Variants in CREM observed in about 807,000 individuals in gnomAD.
CREM encodes the protein cAMP-responsive element modulator.
A neutral mutation model predicts 37.3 loss-of-function variants in CREM; 13 were observed. The observed-to-expected ratio is 0.35, with a 90% CI of 0.23 to 0.55. The LOEUF is 0.55. Ranked by LOEUF, CREM falls within the 20% of genes least tolerant of loss-of-function variation. The pLI, the probability that CREM is intolerant of heterozygous loss-of-function variation, is 0.88. For synonymous variants in CREM, 124 were observed against 120.2 expected, an observed-to-expected ratio of 1.03 and a Z score of -0.21; for missense variants, 296 against 362.3, an observed-to-expected ratio of 0.82 and a Z score of 1.49.
chr10:35,166,228 A>G (rs573386852), intron 3 of CREM, among the ~76,000 whole-genome samples: 2 of 151,754 alleles, frequency 1.3e-5, no homozygotes, highest in Admixed American at 6.6e-5. Context: ...AATGCATTGA[A>G]TTTGCAATTT....
In CREM at chr10:35,179,281, G is replaced by T. The variant is rs763198335; in HGVS notation, c.409+5G>T. On this transcript the variant is annotated splice_donor_5th_base_variant and intron_variant, in intron 5 of 7. Transcript: ENST00000685392. The stretch of plus-strand genomic sequence containing the variant: ...AGACTAGCACGGGGCAATACAGTAT[G>T]TATGCTGCAATTCGATATGATACAG... The T allele has an allele frequency of 6.2e-7, 1 of 1,613,540 alleles. No homozygotes were observed. The highest frequency in any genetic ancestry group is 2.2e-5 in the East Asian group (1 of 44,860).
intron 6 of CREM, among the ~76,000 whole-genome samples, chr10:35,198,426 G>A (rs1350975529): frequency 6.6e-6 from 1 of 151,838 alleles, no homozygotes; most frequent in Non-Finnish European, 1.5e-5. Context: ...GGGAAGCTGA[G>A]GCAAGAGAAT....
intron 1 of CREM, among the ~76,000 whole-genome samples, chr10:35,136,384 C>G (rs551785520): frequency 6.6e-6 from 1 of 152,248 alleles, no homozygotes; most frequent in African/African-American, 2.4e-5. Context: ...GGGGTGGCAT[C>G]TAATGGGTTA....
intron 3 of CREM, among the ~76,000 whole-genome samples, chr10:35,158,818 TTTG>T (rs2093102447): frequency 1.3e-5 from 1 of 78,828 alleles, no homozygotes; most frequent in African/African-American, 3.6e-5. Flanking sequence ...TGTTGTTTTG[TTTG>T]TTTTTTTTTT....
chr10:35,196,201 C>T, intron 6 of CREM: 2 of 1,168,576 alleles, frequency 1.7e-6, no homozygotes, highest in Admixed American at 2.0e-5. Context: ...ACTCCATCCT[C>T]TTACTCCATC....
intron 3 of CREM, chr10:35,171,226 C>G (rs1290410475): frequency 8.4e-6 from 1 of 118,926 alleles, no homozygotes; most frequent in Non-Finnish European, 1.6e-5. Context: ...GGCTGGAGTG[C>G]GGTGGCATGA....
At chr10:35,156,804 C>T (rs2092945409) in intron 3 of CREM, among the ~76,000 whole-genome samples, 1 of 152,078 alleles carries the variant, frequency 6.6e-6, no homozygotes, top group Non-Finnish European at 1.5e-5. Flanking sequence ...TAGGTAGAGA[C>T]AATGTTAGAT....
At chr10:35,136,258 G>A (rs1176504014) in intron 1 of CREM, among the ~76,000 whole-genome samples, 1 of 152,210 alleles carries the variant, frequency 6.6e-6, no homozygotes, top group African/African-American at 2.4e-5. Context: ...ATATAGTGCT[G>A]TGATTATCAT....
intron 3 of CREM, among the ~76,000 whole-genome samples, chr10:35,172,571 AG>A (rs2093871727): frequency 8.4e-5 from 1 of 11,878 alleles, no homozygotes; most frequent in South Asian, 0.011. Flanking sequence ...ATCCACTTGC[AG>A]TTTTTTTTTT....
chr10:35,197,666 C>T (rs1419222877), intron 6 of CREM, among the ~76,000 whole-genome samples: 1 of 152,090 alleles, frequency 6.6e-6, no homozygotes, highest in Non-Finnish European at 1.5e-5. Flanking sequence ...ACCGTGTTAG[C>T]CAGAATGGTC....
chr10:35,199,322 A>G (rs946188209), intron 6 of CREM, among the ~76,000 whole-genome samples: 16 of 152,244 alleles, frequency 1.1e-4, no homozygotes, highest in African/African-American at 3.9e-4. Context: ...TTTTCCTACT[A>G]CTTTTGAAAA....
chr10:35,209,662 G>A (rs777185393), intron 7 of CREM, among the ~76,000 whole-genome samples: 17 of 152,158 alleles, frequency 1.1e-4, no homozygotes, highest in Non-Finnish European at 2.2e-4. Flanking sequence ...ACCATGTTTT[G>A]TAAAATGACT....
Position 35,183,073 on chromosome 10 carries a change from A to G in CREM, c.409+3797A>G, listed in dbSNP as rs181398679. 4.1e-3 allele frequency among the ~76,000 whole-genome samples: 631 copies of G among 152,312 alleles called. 2 individuals carry two copies. Among genetic ancestry groups the G allele is most frequent in the Non-Finnish European group, 7.0e-3 (475 of 68,024 alleles). On this transcript the variant is annotated intron_variant, in intron 5 of 7. Coordinates refer to ENST00000685392, the MANE Select transcript of CREM (RefSeq NM_183011.2). ...GGTTACTTAAATCCTCCATCCTACT[A>G]TACCCAACCTCTTCCTGTACCAATT...
At position 35,172,050 on chromosome 10, in the gene CREM, T is replaced by G. The variant is rs1382602789; in HGVS notation, c.169-6839T>G. ...GAGAGCTCAGTTTGGAATCTGGAAC[T>G]AAAGATCATGTCCCAATTTCCTGAG... On this transcript the variant is annotated intron_variant, in intron 3 of 7. Coordinates refer to ENST00000685392, the MANE Select transcript of CREM (RefSeq NM_183011.2). Among the ~76,000 whole-genome samples the G allele has an allele frequency of 2.6e-5, 4 of 152,216 alleles. No homozygotes were observed. The South Asian group carries it at 8.3e-4, about 32-fold the overall frequency.
At chr10:35,191,270 G>T (rs2094908100) in intron 6 of CREM, among the ~76,000 whole-genome samples, 1 of 151,990 alleles carries the variant, frequency 6.6e-6, no homozygotes, top group Admixed American at 6.6e-5. Flanking sequence ...GAGAAATACG[G>T]ATTATTTTAA....
intron 3 of CREM, chr10:35,175,780 T>G: frequency 6.2e-7 from 1 of 1,613,762 alleles, no homozygotes; most frequent in East Asian, 2.2e-5. Flanking sequence ...TAGTGAGTGG[T>G]ATTACTTAAA....
chr10:35,196,048 A>T, intron 6 of CREM: 1 of 1,614,094 alleles, frequency 6.2e-7, no homozygotes, highest in East Asian at 2.2e-5. Context: ...GAAACACGTC[A>T]TGAAACTGTA....
intron 1 of CREM, among the ~76,000 whole-genome samples, chr10:35,128,650 T>A (rs964503700): frequency 2.6e-5 from 4 of 151,548 alleles, no homozygotes; most frequent in African/African-American, 9.7e-5. Flanking sequence ...CTCAGCCTCC[T>A]GAGTAGCTGG....
intron 2 of CREM, among the ~76,000 whole-genome samples, chr10:35,146,951 A>G (rs943206994): frequency 6.6e-6 from 1 of 151,392 alleles, no homozygotes; most frequent in Non-Finnish European, 1.5e-5. Context: ...TTTTGGATGT[A>G]TAGTTAGACT....
Sources: allele counts gnomAD v4.1 joint callset (sites outside exome capture counted in the v4.1 genomes callset), GRCh38; gene constraint gnomAD v4.1.1; transcripts MANE v1.5; gene names NCBI Gene and HGNC (gene_info 2026-07-23, HGNC 2026-07-21).